Variants in GJA3 observed in about 807,000 individuals in gnomAD.
GJA3 encodes the protein gap junction alpha-3 protein.
For missense variants in GJA3, 571 were observed against 620.3 expected, an observed-to-expected ratio of 0.92 and a Z score of 0.84; for synonymous variants, 297 against 292.6, an observed-to-expected ratio of 1.02 and a Z score of -0.15.
At chr13:20,153,630 T>C (rs1367228208) in intron 1 of GJA3, among the ~76,000 whole-genome samples, 1 of 151,982 alleles carries the variant, frequency 6.6e-6, no homozygotes, top group South Asian at 2.1e-4. Flanking sequence ...CTGGGGCCTG[T>C]TGTGGGGTGC....
At chr13:20,158,583 A>T (rs1284485609) in intron 1 of GJA3, among the ~76,000 whole-genome samples, 1 of 152,022 alleles carries the variant, frequency 6.6e-6, no homozygotes, top group African/African-American at 2.4e-5. Flanking sequence ...ATTCACATCA[A>T]CCATTACTTT....
chr13:20,148,528 G>C (rs1261414801), intron 1 of GJA3, among the ~76,000 whole-genome samples: 1 of 152,000 alleles, frequency 6.6e-6, no homozygotes, highest in Non-Finnish European at 1.5e-5. Context: ...TACAGTGCTG[G>C]GATTACAGGT....
chr13:20,146,861 G>A (rs936308980), intron 1 of GJA3, among the ~76,000 whole-genome samples: 1 of 152,226 alleles, frequency 6.6e-6, no homozygotes, highest in Non-Finnish European at 1.5e-5. Flanking sequence ...TCTGGTAGAG[G>A]ATGAACAGTT....
At chr13:20,153,172 A>C (rs1308791083) in intron 1 of GJA3, among the ~76,000 whole-genome samples, 1 of 149,338 alleles carries the variant, frequency 6.7e-6, no homozygotes, top group Non-Finnish European at 1.5e-5. Context: ...CTGACTTTTT[A>C]AAAAATACAG....
Position 20,145,927 on chromosome 13 carries a change from C to A in GJA3, c.-17-2622G>T, listed in dbSNP as rs2031288. Among the ~76,000 whole-genome samples the A allele has an allele frequency of 7.2e-5, 11 of 152,096 alleles. 1 individual carries two copies. The highest frequency in any genetic ancestry group is 2.1e-4 in the South Asian group (1 of 4,828). On this transcript the variant is annotated intron_variant, in intron 1 of 1. Coordinates refer to ENST00000241125, the MANE Select transcript of GJA3 (RefSeq NM_021954.4). ...CCACAGCCCCACCTGCCAAGCTTTC[C>A]CGGGCAAGAGCAGCCTCTGGGCTCT...
Position 20,142,240 on chromosome 13 carries a change from G to A in GJA3, c.1049C>T (p.Ala350Val). Residue 350 changes from alanine (A) to valine (V), a missense_variant, in exon 2 of 2, where the codon GCA becomes GTA. Ala to Val is a moderately conservative substitution (Grantham distance 64, BLOSUM62 0). Transcript: ENST00000241125. ...GCTGCTGCCGACGGGGCTGGGGGCT[G>A]CAGGCGTGGACGCTGCCGGGTAAGC... The part of the protein sequence containing the change: ...LKAYPAASTP[A>V]APSPVGSSSP... The A allele has an allele frequency of 2.0e-6, 3 of 1,534,190 alleles. No individual in the cohort carries two copies. Among genetic ancestry groups the A allele is most frequent in the South Asian group, 2.4e-5 (2 of 82,966 alleles).
intron 1 of GJA3, among the ~76,000 whole-genome samples, chr13:20,144,919 G>A (rs542064378): frequency 2.0e-5 from 3 of 152,330 alleles, no homozygotes; most frequent in East Asian, 1.9e-4. Flanking sequence ...GGTGGCTCAC[G>A]CCTGTAATCC....
intron 1 of GJA3, among the ~76,000 whole-genome samples, chr13:20,159,787 C>A (rs1958927040): frequency 6.6e-6 from 1 of 152,112 alleles, no homozygotes; most frequent in African/African-American, 2.4e-5. Context: ...TCGATATGAA[C>A]CAAACTGCTG....
intron 1 of GJA3, among the ~76,000 whole-genome samples, chr13:20,143,770 TCTGTCTTCACA>T (rs797020979): frequency 6.6e-6 from 1 of 152,378 alleles, no homozygotes; most frequent in African/African-American, 2.4e-5. Context: ...ATTTGCTTTT[TCTGTCTTCACA>T]TCAACTCTTT....
chr13:20,154,204 C>T (rs1206074958), intron 1 of GJA3, among the ~76,000 whole-genome samples: 1 of 152,246 alleles, frequency 6.6e-6, no homozygotes, highest in African/African-American at 2.4e-5. Flanking sequence ...ATCAGATTTA[C>T]TTCTGTACAC....
chr13:20,150,232 G>A (rs1417184784), intron 1 of GJA3, among the ~76,000 whole-genome samples: 1 of 152,190 alleles, frequency 6.6e-6, no homozygotes, highest in Non-Finnish European at 1.5e-5. Context: ...GTGGAGACAG[G>A]AACGAAGACA....
Position 20,139,796 on chromosome 13 carries a change from A to G in GJA3, c.*2185T>C, listed in dbSNP as rs1593331794. On this transcript the variant is annotated 3_prime_UTR_variant, in exon 2 of 2. Transcript: ENST00000241125. The stretch of plus-strand genomic sequence containing the variant: ...AAATGTAAAAACTAGATACAATTTG[A>G]GTTCTCATGCTCATCTCCAACCCCA... The G allele has an allele frequency of 1.3e-5, 2 of 152,372 alleles. No homozygotes were observed. The highest frequency in any genetic ancestry group is 1.3e-4 in the Admixed American group (2 of 15,306). The allele number at this position is 152,372 out of a possible 1,614,324, so 9.4% of individuals were successfully genotyped here. A position where few individuals can be genotyped will look rare whatever the true frequency, so the allele number is the denominator to read the frequency against.
chr13:20,160,280 T>G (rs1327972316), intron 1 of GJA3, among the ~76,000 whole-genome samples: 4 of 152,126 alleles, frequency 2.6e-5, no homozygotes, highest in Admixed American at 1.3e-4. Context: ...GGTCGAGAAA[T>G]CTGGTCGTGG....
At chr13:20,158,930 A>AG (rs1156868773) in intron 1 of GJA3, among the ~76,000 whole-genome samples, 2 of 150,866 alleles carry the variant, frequency 1.3e-5, no homozygotes, top group African/African-American at 2.4e-5. Flanking sequence ...AAAAAAAAAA[A>AG]AAAAAAGAAA....
intron 1 of GJA3, among the ~76,000 whole-genome samples, chr13:20,154,488 G>A (rs928060567): frequency 1.3e-5 from 2 of 152,138 alleles, no homozygotes; most frequent in African/African-American, 4.8e-5. Context: ...TGTAGACATA[G>A]AAATAATCTA....
chr13:20,159,335 C>A (rs1006163608), intron 1 of GJA3, among the ~76,000 whole-genome samples: 1 of 151,328 alleles, frequency 6.6e-6, no homozygotes, highest in Non-Finnish European at 1.5e-5. Flanking sequence ...AGCTACCATC[C>A]AGCGGAGGGA....
intron 1 of GJA3, among the ~76,000 whole-genome samples, chr13:20,152,951 TGTCACAAATATTAA>T (rs1288731931): frequency 3.9e-5 from 6 of 152,304 alleles, no homozygotes; most frequent in South Asian, 4.1e-4. Flanking sequence ...CATGGTGAGC[TGTCACAAATATTAA>T]GTCACAAATA....
chr13:20,150,977 C>T (rs569235960), intron 1 of GJA3, among the ~76,000 whole-genome samples: 2 of 152,272 alleles, frequency 1.3e-5, no homozygotes, highest in East Asian at 3.9e-4. Flanking sequence ...CATCGGCTTC[C>T]ATCTGTTCTC....
rs71074204 is a variant in GJA3 at position 20,148,253 on chromosome 13, CTTTTTTTTTT to C, written c.-17-4958_-17-4949del. Among the ~76,000 whole-genome samples the C allele has an allele frequency of 1.1e-3, 97 of 90,732 alleles. 1 individual carries two copies. The highest frequency in any genetic ancestry group is 3.6e-3 in the African/African-American group (91 of 25,292). 59.5% of individuals were successfully genotyped at this position (90,732 alleles called of 152,430 possible). On this transcript the variant is annotated intron_variant, in intron 1 of 1. Coordinates refer to ENST00000241125, the MANE Select transcript of GJA3 (RefSeq NM_021954.4). ...GGGGCATTTTACCAATACTATGGTT[CTTTTTTTTTT>C]TTTTTTTTTTTTGAGACAGAGTCTC...
Sources: gnomAD v4.1 joint callset for allele counts (sites outside exome capture counted in the v4.1 genomes callset) on GRCh38, gnomAD v4.1.1 for gene constraint, MANE v1.5 for transcripts, NCBI Gene and HGNC (gene_info 2026-07-23, HGNC 2026-07-21) for gene names.